Variants in BPTF observed in about 807,000 individuals in gnomAD.
BPTF encodes the protein bromodomain PHD finger transcription factor.
In BPTF, 18 loss-of-function variants were observed where a neutral mutation model predicts 292.5. The observed-to-expected ratio is 0.06, with a 90% CI of 0.04 to 0.09. The LOEUF (loss-of-function observed/expected upper bound fraction) is 0.09. BPTF is among the 10% of genes least tolerant of loss of function. The pLI is 1.00. For synonymous variants in BPTF, 1,225 were observed against 1,251.9 expected (o/e 0.98, Z 0.45); for missense variants, 2,726 against 3,498.7 (o/e 0.78, Z 5.57).
intron 11 of BPTF, 25 bp downstream of exon 11, chr17:67,913,212 G>A: frequency 6.5e-7 from 1 of 1,533,808 alleles, no homozygotes; most frequent in Non-Finnish European, 8.7e-7. Flanking sequence ...ATGTATTTGG[G>A]GGAGGGAGAA....
chr17:67,853,352 C>G (rs1318261077), intron 1 of BPTF, among the ~76,000 whole-genome samples: 3 of 152,124 alleles, frequency 2.0e-5, no homozygotes, highest in Non-Finnish European at 4.4e-5. Flanking sequence ...TTTTCTCCTC[C>G]TCTGCACTTC....
chr17:67,866,793 G>A (rs1011837056), intron 3 of BPTF, 106 bp downstream of exon 3: 20 of 792,454 alleles, frequency 2.5e-5, no homozygotes, highest in African/African-American at 8.7e-5. Flanking sequence ...AAGTACAGTC[G>A]TGCATTGCTT....
At chr17:67,914,554 A>C (rs1186965833) in intron 11 of BPTF, among the ~76,000 whole-genome samples, 1 of 152,210 alleles carries the variant, frequency 6.6e-6, no homozygotes, top group Non-Finnish European at 1.5e-5. Flanking sequence ...TGTATCCTTG[A>C]CTGTCCTGCA....
chr17:67,842,100 T>C (rs371500398), intron 1 of BPTF, among the ~76,000 whole-genome samples: 3 of 152,064 alleles, frequency 2.0e-5, no homozygotes, highest in Non-Finnish European at 4.4e-5. Context: ...CCCTCCCTTA[T>C]GTTATAATTG....
chr17:67,869,809 C>A (rs2059601808), intron 3 of BPTF, among the ~76,000 whole-genome samples: 1 of 145,318 alleles, frequency 6.9e-6, no homozygotes, highest in African/African-American at 2.5e-5. Context: ...TGGTGAAACC[C>A]CGTCTCTACT....
chr17:67,920,422 T>TGGAG (rs1428985148), intron 13 of BPTF, among the ~76,000 whole-genome samples: 1 of 152,178 alleles, frequency 6.6e-6, no homozygotes, highest in African/African-American at 2.4e-5. Context: ...CAGCAGCTCC[T>TGGAG]GGAGAGCAGC....
rs188348420 is a variant in BPTF, at chr17:67,875,535, T to G, written c.1864+515T>G. On this transcript the variant is annotated intron_variant, in intron 4 of 27. Transcript: ENST00000306378. ...AATTTTAAAGAATATCTTTGAAGTTTTGTTGTGCATTTTGCTGTAGAGCCA... is the reference window on the plus strand; with the variant it reads ...AATTTTAAAGAATATCTTTGAAGTTGTGTTGTGCATTTTGCTGTAGAGCCA... 13 of 1,451,272 alleles carry G rather than the reference T, an allele frequency of 9.0e-6. No individual in the cohort carries two copies. In the Admixed American group the frequency reaches 2.6e-4, roughly 29 times the overall value. The allele number at this position is 1,451,272 out of a possible 1,614,324, so 89.9% of individuals were successfully genotyped here. A position where few individuals can be genotyped will look rare whatever the true frequency, so the allele number is the denominator to read the frequency against.
intron 1 of BPTF, among the ~76,000 whole-genome samples, 176 bp downstream of exon 1, chr17:67,826,513 A>G (rs1325020725): frequency 2.0e-5 from 3 of 151,292 alleles, no homozygotes; most frequent in African/African-American, 7.3e-5. Flanking sequence ...ACAAGAGGAA[A>G]GAGGCGCATT....
At chr17:67,850,891 GACAC>G (rs546815459) in intron 1 of BPTF, among the ~76,000 whole-genome samples, 1 of 152,124 alleles carries the variant, frequency 6.6e-6, no homozygotes, top group African/African-American at 2.4e-5. Context: ...GAGAAGAAAA[GACAC>G]ACACACAATA....
intron 5 of BPTF, among the ~76,000 whole-genome samples, chr17:67,892,846 A>G (rs1188326136): frequency 6.6e-6 from 1 of 152,206 alleles, no homozygotes; most frequent in East Asian, 1.9e-4. Flanking sequence ...AAAAAGCTGA[A>G]TAAGGCCACT....
At chr17:67,901,405 TA>T (rs1164093183) in intron 7 of BPTF, among the ~76,000 whole-genome samples, 2 of 151,912 alleles carry the variant, frequency 1.3e-5, no homozygotes, top group African/African-American at 2.4e-5. Flanking sequence ...TTTAAACAGA[TA>T]AAAAATCCAG....
intron 4 of BPTF, among the ~76,000 whole-genome samples, chr17:67,887,165 A>G (rs536245028): frequency 4.0e-4 from 61 of 152,296 alleles, no homozygotes; most frequent in Non-Finnish European, 5.9e-5. Context: ...CATTTTTGCC[A>G]ATGGTGAAAA....
chr17:67,891,752 C>T, intron 4 of BPTF, 92 bp from the exon 5 acceptor site: 2 of 911,428 alleles, frequency 2.2e-6, no homozygotes, highest in Non-Finnish European at 3.1e-6. Flanking sequence ...GTGGATCTTA[C>T]ACATACACCA....
At position 67,912,876 on chromosome 17, in the gene BPTF, C is replaced by G. The variant is rs755196353; in HGVS notation, c.4992C>G (p.Ser1664=). 3.7e-6 allele frequency: 6 copies of G among 1,614,076 alleles called. No individual in the cohort carries two copies. Among genetic ancestry groups the G allele is most frequent in the African/African-American group, 1.3e-5 (1 of 75,018 alleles). ...KTVVTTTVTD[S]LTTTGGTLVT... ...TGGTCACCACGACAGTGACAGACTCCCTGACCACCACGGGAGGCACACTGG... is the reference window on the plus strand; with the variant it reads ...TGGTCACCACGACAGTGACAGACTCGCTGACCACCACGGGAGGCACACTGG... Residue 1664 remains serine, a synonymous_variant, in exon 11 of 28, where the codon TCC becomes TCG. Coordinates refer to ENST00000306378, the MANE Select transcript of BPTF (RefSeq NM_182641.4).
At chr17:67,966,430 A>T in intron 25 of BPTF, 142 bp from the exon 26 acceptor site, 1 of 680,170 alleles carries the variant, frequency 1.5e-6, no homozygotes, top group Non-Finnish European at 2.5e-6. Flanking sequence ...CTATTACTAG[A>T]GCAGAAATCA....
rs2146908781 is a variant in BPTF at position 67,910,980 on chromosome 17, G to C, written c.3096G>C (p.Glu1032Asp). ...MKTESHVNCQ[E>D]SSQVDVVNVS... Reference sequence around the variant, plus strand: ...CAGAGTCACATGTAAATTGTCAGGAGAGTTCTCAAGTAGATGTGGTCAATG... The same window carrying C: ...CAGAGTCACATGTAAATTGTCAGGACAGTTCTCAAGTAGATGTGGTCAATG... Residue 1032 changes from glutamate to aspartate, a missense_variant, in exon 11 of 28, where the codon GAG becomes GAC. Glu to Asp is a conservative substitution (Grantham distance 45, BLOSUM62 2). Transcript: ENST00000306378. 6.2e-7 allele frequency: 1 copy of C among 1,614,076 alleles called. No individual in the cohort carries two copies. The highest frequency in any genetic ancestry group is 1.7e-5 in the Admixed American group (1 of 60,016).
intron 25 of BPTF, among the ~76,000 whole-genome samples, chr17:67,964,806 T>C (rs1196811731): frequency 3.5e-4 from 53 of 150,116 alleles, no homozygotes; most frequent in Admixed American, 3.0e-3. Flanking sequence ...CAGACCATCC[T>C]GGCTAACACG....
intron 27 of BPTF, among the ~76,000 whole-genome samples, chr17:67,977,282 A>G (rs1163865294): frequency 1.3e-5 from 2 of 152,114 alleles, no homozygotes; most frequent in Non-Finnish European, 2.9e-5. Context: ...TGGGAGGCCA[A>G]GGTGGGTGGA....
At chr17:67,915,742 C>T (rs1031844164) in intron 11 of BPTF, among the ~76,000 whole-genome samples, 6 of 152,156 alleles carry the variant, frequency 3.9e-5, no homozygotes, top group Non-Finnish European at 1.5e-5. Flanking sequence ...CATTCCCGAG[C>T]CAACTCAGAT....
Sources: gnomAD v4.1 joint callset for allele counts (sites outside exome capture counted in the v4.1 genomes callset) on GRCh38, gnomAD v4.1.1 for gene constraint, MANE v1.5 for transcripts, NCBI Gene and HGNC (gene_info 2026-07-23, HGNC 2026-07-21) for gene names.